The following DHDDS variants were observed in gnomAD, a reference collection of about 807,000 sequenced individuals.
The protein encoded by DHDDS is dehydrodolichyl diphosphate synthase subunit.
DHDDS carries 16 observed loss-of-function variants against 46.2 expected under a neutral mutation model. The ratio of observed to expected loss-of-function variants is 0.35; its 90% CI spans 0.23 to 0.53. The LOEUF (loss-of-function observed/expected upper bound fraction) is 0.53. Ranked by LOEUF, DHDDS falls within the 20% of genes least tolerant of loss-of-function variation. The pLI is 0.94. For missense variants in DHDDS, 340 were observed against 423.7 expected (o/e 0.80, Z 1.73); for synonymous variants, 151 against 163.1 (o/e 0.93, Z 0.56).
Position 26,454,708 on chromosome 1 carries a change from T to C in DHDDS, c.543-3083T>C, listed in dbSNP as rs148389585. 4.9e-4 allele frequency: 780 copies of C among 1,586,808 alleles called. 3 individuals are homozygous for C. The African/African-American group carries it at 9.3e-3, about 19-fold the overall frequency. ...TTTTCTTCTGGGCAACCTCCTCTTC[T>C]GGTTTAGGAACAATCTGTTCCTTTT... On this transcript the variant is annotated intron_variant, in intron 6 of 8. Transcript: ENST00000236342.
At chr1:26,452,959 G>T (rs1045237879) in intron 6 of DHDDS, among the ~76,000 whole-genome samples, 2 of 152,098 alleles carry the variant, frequency 1.3e-5, no homozygotes, top group African/African-American at 4.8e-5. Context: ...TTAGCTGGGT[G>T]TGCTGGCACA....
At chr1:26,466,400 C>T (rs1196885046) in intron 8 of DHDDS, 1 of 152,194 alleles carries the variant, frequency 6.6e-6, no homozygotes, top group Non-Finnish European at 1.5e-5. Context: ...ACCAGCTTTT[C>T]CACCCCTAGA....
chr1:26,436,228 G>A (rs1337324325), intron 2 of DHDDS, among the ~76,000 whole-genome samples: 4 of 151,858 alleles, frequency 2.6e-5, no homozygotes, highest in Admixed American at 6.6e-5. Context: ...TGAGACCCCC[G>A]TCTCTACAAA....
At chr1:26,441,865 C>T (rs1467140238) in intron 3 of DHDDS, among the ~76,000 whole-genome samples, 1 of 149,370 alleles carries the variant, frequency 6.7e-6, no homozygotes, top group African/African-American at 2.5e-5. Flanking sequence ...CACTGCACTC[C>T]AGCCTGGGTG....
chr1:26,448,545 A>G (rs1272260215), intron 6 of DHDDS: 1 of 152,182 alleles, frequency 6.6e-6, no homozygotes, highest in Non-Finnish European at 1.5e-5. Context: ...AAAGGTGGAG[A>G]GACTTTTGAA....
chr1:26,443,060 T>A, intron 4 of DHDDS, 187 bp downstream of exon 4: 2 of 1,105,240 alleles, frequency 1.8e-6, no homozygotes, highest in South Asian at 1.7e-5. Flanking sequence ...AACTTTTTAA[T>A]AAAAAAGGGG....
In DHDDS at chr1:26,460,043, C is replaced by T. The variant is rs1251624724; in HGVS notation, c.664C>T (p.His222Tyr). 1 of 1,613,934 alleles carries T rather than the reference C, an allele frequency of 6.2e-7. No individual in the cohort carries two copies. Among genetic ancestry groups the T allele is most frequent in the East Asian group, 2.2e-5 (1 of 44,874 alleles). The change falls in exon 8 of 9, where the codon CAC becomes TAC. Residue 222 changes from histidine (H) to tyrosine (Y), a missense_variant. By Grantham distance (83) the His-to-Tyr change is moderately conservative. Transcript: ENST00000236342. Reference protein sequence around the residue: ...LSDFLLWQTSHSCLVFQPVLW... With the variant: ...LSDFLLWQTSYSCLVFQPVLW... Reference sequence around the variant, plus strand: ...TCCTCCCTACCTTTCCCAGACCTCTCACTCCTGCCTGGTGTTCCAACCCGT... The same window carrying T: ...TCCTCCCTACCTTTCCCAGACCTCTTACTCCTGCCTGGTGTTCCAACCCGT...
At position 26,442,813 on chromosome 1, in the gene DHDDS, G is replaced by T; in HGVS notation, c.263G>T (p.Ser88Ile). ...FSIENFKRSKSEVDGLMDLAR... is the reference protein window; with the variant it reads ...FSIENFKRSKIEVDGLMDLAR... Reference sequence around the variant, plus strand: ...ATTGAGAACTTCAAACGCTCCAAGAGTGAGGTAGACGGGCTTATGGATCTG... The same window carrying T: ...ATTGAGAACTTCAAACGCTCCAAGATTGAGGTAGACGGGCTTATGGATCTG... Residue 88 changes from serine (S) to isoleucine (I), a missense_variant, in exon 4 of 9, where the codon AGT becomes ATT. Coordinates refer to ENST00000236342, the MANE Select transcript of DHDDS (RefSeq NM_205861.3). 1.2e-6 allele frequency: 2 copies of T among 1,614,190 alleles called. No individual in the cohort carries two copies. Among genetic ancestry groups the T allele is most frequent in the Non-Finnish European group, 1.7e-6 (2 of 1,180,050 alleles).
chr1:26,433,480 T>G (rs1160674309), intron 2 of DHDDS, among the ~76,000 whole-genome samples: 2 of 151,674 alleles, frequency 1.3e-5, no homozygotes, highest in African/African-American at 4.8e-5. Context: ...AAAACCCCGA[T>G]TCTCCAAAAA....
At chr1:26,440,202 G>T (rs2075204439) in intron 3 of DHDDS, among the ~76,000 whole-genome samples, 2 of 152,224 alleles carry the variant, frequency 1.3e-5, no homozygotes. Flanking sequence ...CAGTGTCCTA[G>T]CACAGGGACA....
At chr1:26,438,672 A>G (rs1196007529) in intron 3 of DHDDS, 4 of 278,762 alleles carry the variant, frequency 1.4e-5, no homozygotes, top group African/African-American at 2.2e-5. Flanking sequence ...GCTGCAGTGA[A>G]TAGAGATTGT....
intron 6 of DHDDS, among the ~76,000 whole-genome samples, chr1:26,452,605 A>G (rs2075332152): frequency 6.6e-6 from 1 of 152,168 alleles, no homozygotes; most frequent in African/African-American, 2.4e-5. Flanking sequence ...CTTAGACCCT[A>G]TAAGGTAGAT....
At chr1:26,448,240 A>C (rs1439249729) in intron 6 of DHDDS, 1 of 134,766 alleles carries the variant, frequency 7.4e-6, no homozygotes, top group African/African-American at 2.9e-5. Context: ...TCTGTTGCCC[A>C]GGCTGGAGTT....
intron 6 of DHDDS, among the ~76,000 whole-genome samples, chr1:26,453,216 C>G (rs2075338285): frequency 6.6e-6 from 1 of 152,070 alleles, no homozygotes; most frequent in African/African-American, 2.4e-5. Context: ...GTTACGAGTA[C>G]TTTTCATGAC....
At chr1:26,445,518 C>T (rs902674334) in intron 4 of DHDDS, among the ~76,000 whole-genome samples, 4 of 151,930 alleles carry the variant, frequency 2.6e-5, no homozygotes, top group Non-Finnish European at 4.4e-5. Context: ...TTTGAGACCA[C>T]CTTGGGCAAC....
At chr1:26,433,476 C>T (rs2075123086) in intron 2 of DHDDS, among the ~76,000 whole-genome samples, 1 of 151,822 alleles carries the variant, frequency 6.6e-6, no homozygotes, top group Admixed American at 6.6e-5. Flanking sequence ...TGGCAAAACC[C>T]CGATTCTCCA....
chr1:26,450,240 G>T (rs2075306841), intron 6 of DHDDS, among the ~76,000 whole-genome samples: 1 of 152,134 alleles, frequency 6.6e-6, no homozygotes, highest in African/African-American at 2.4e-5. Flanking sequence ...ACTGAAGCTT[G>T]GAACTCCTGG....
At chr1:26,468,812 C>CCCCCCCCCAACCACCG in intron 8 of DHDDS, 83 bp from the exon 9 acceptor site, 1 of 601,118 alleles carries the variant, frequency 1.7e-6, no homozygotes, top group Non-Finnish European at 2.8e-6. Flanking sequence ...CCACCCTGTG[C>CCCCCCCCCAACCACCG]CCCACCCCCT....
intron 2 of DHDDS, among the ~76,000 whole-genome samples, chr1:26,436,986 C>T (rs529367705): frequency 4.0e-4 from 60 of 151,700 alleles, no homozygotes; most frequent in African/African-American, 1.1e-3. Flanking sequence ...CTGGCTAACA[C>T]GGTGAAACCC....
Sources: allele counts gnomAD v4.1 joint callset (sites outside exome capture counted in the v4.1 genomes callset), GRCh38; gene constraint gnomAD v4.1.1; transcripts MANE v1.5; gene names NCBI Gene and HGNC (gene_info 2026-07-23, HGNC 2026-07-21).